The following NYNRIN variants were observed in gnomAD, a reference collection of about 807,000 sequenced individuals.
NYNRIN encodes the protein NYN domain and retroviral integrase containing.
NYNRIN carries 86 observed loss-of-function variants against 146.6 expected under a neutral mutation model. The ratio of observed to expected loss-of-function variants is 0.59; its 90% CI spans 0.49 to 0.70. The LOEUF is 0.70. NYNRIN is among the 30% of genes least tolerant of loss of function. The probability of loss-of-function intolerance (pLI) is 0.00; values close to 1 mark genes in which losing one functional copy is unlikely to be tolerated. For missense variants in NYNRIN, 2,191 were observed against 2,377.7 expected, an observed-to-expected ratio of 0.92 and a Z score of 1.63; for synonymous variants, 1,027 against 1,001.3, an observed-to-expected ratio of 1.03 and a Z score of -0.48.
rs2042961515 is a variant in NYNRIN at position 24,418,186 on chromosome 14, C to T, written c.*740C>T. On this transcript the variant is annotated 3_prime_UTR_variant, in exon 9 of 9. Coordinates refer to ENST00000382554, the MANE Select transcript of NYNRIN (RefSeq NM_025081.3). ...TTGACTCCAGCCAATGGAGACAATT[C>T]CTGACCCCTGCTTTGATGGTGTTGA... The T allele has an allele frequency of 2.2e-6, 1 of 446,988 alleles. No homozygotes were observed. Among genetic ancestry groups the T allele is most frequent in the East Asian group, 7.1e-5 (1 of 14,142 alleles). 27.7% of individuals were successfully genotyped at this position (446,988 alleles called of 1,614,324 possible).
chr14:24,418,559 GTGA>G lies in NYNRIN; in HGVS notation c.*1114_*1116del. On this transcript the variant is annotated 3_prime_UTR_variant, in exon 9 of 9. Coordinates refer to ENST00000382554, the MANE Select transcript of NYNRIN (RefSeq NM_025081.3). ...ATTCTTTGCAGAGATCACCCTTGCA[GTGA>G]GTGTGAGTTCCTTCCAGGTGTGTGC... The G allele has an allele frequency of 3.7e-6, 1 of 268,770 alleles. No homozygotes were observed. The highest frequency in any genetic ancestry group is 3.3e-5 in the South Asian group (1 of 30,526). The allele number at this position is 268,770 out of a possible 1,614,324, so 16.6% of individuals were successfully genotyped here.
Position 24,408,156 on chromosome 14 carries a change from CT to C in NYNRIN, c.489del (p.Phe163LeufsTer28). 1 of 1,603,438 alleles carries C rather than the reference CT, an allele frequency of 6.2e-7. No individual in the cohort carries two copies. The highest frequency in any genetic ancestry group is 8.5e-7 in the Non-Finnish European group (1 of 1,177,132). ...TCTGGGAGGCTGAGGTGACCCGGGC[CT>C]TTGGGGCCCTGGTCTGGATCCGTGG... ...GIWEAEVTRA[F>X]GALVWIRGDQ... On this transcript the variant is annotated frameshift_variant, in exon 3 of 9. Transcript: ENST00000382554. LOFTEE classifies it high-confidence loss of function.
At chr14:24,403,711 C>T (rs7151934) in intron 2 of NYNRIN, among the ~76,000 whole-genome samples, 37,475 of 152,114 alleles carry the variant, frequency 0.25, 4,791 homozygotes, top group Admixed American at 0.36. Context: ...TTTCTCTTCA[C>T]CGTCATCCTG....
chr14:24,416,567 G>T lies in NYNRIN; in HGVS notation c.4818G>T (p.Trp1606Cys). ...GSELKVIESP[W>C]PLRSTAPWSN... Reference sequence around the variant, plus strand: ...AGTTGAAGGTTATTGAGTCCCCATGGCCCCTCAGGTCGACCGCCCCCTGGT... The same window carrying T: ...AGTTGAAGGTTATTGAGTCCCCATGTCCCCTCAGGTCGACCGCCCCCTGGT... Residue 1606 changes from tryptophan (W) to cysteine (C), a missense_variant, in exon 9 of 9, where the codon TGG becomes TGT. Physicochemically the swap from Trp to Cys is radical, Grantham distance 215. This residue lies in a region of NYNRIN where 1,291 missense variants were observed against 1,417.0 expected (regional missense o/e 0.91). Coordinates refer to ENST00000382554, the MANE Select transcript of NYNRIN (RefSeq NM_025081.3). 3 of 1,613,966 alleles carry T rather than the reference G, an allele frequency of 1.9e-6. No individual in the cohort carries two copies. The South Asian group carries it at 3.3e-5, about 18-fold the overall frequency.
At position 24,399,064 on chromosome 14, in the gene NYNRIN, G is replaced by A. The variant is rs2042822242; in HGVS notation, c.-40G>A. 3.7e-6 allele frequency: 2 copies of A among 545,708 alleles called. No individual in the cohort carries two copies. The highest frequency in any genetic ancestry group is 3.1e-6 in the Non-Finnish European group (1 of 317,566). The allele number at this position is 545,708 out of a possible 1,614,324, so 33.8% of individuals were successfully genotyped here. On this transcript the variant is annotated 5_prime_UTR_variant, in exon 1 of 9. Coordinates refer to ENST00000382554, the MANE Select transcript of NYNRIN (RefSeq NM_025081.3). ...GGTCGAAGGGGACCAAGCTCCAGAGGGCGGGCGCCCGAGCCGTGCGGGGTG... is the reference window on the plus strand; with the variant it reads ...GGTCGAAGGGGACCAAGCTCCAGAGAGCGGGCGCCCGAGCCGTGCGGGGTG...
chr14:24,399,279 G>A lies in NYNRIN; in HGVS notation c.33G>A (p.Gln11=). MLLSGGDPPA[Q]EWFMVQTKSK... is the part of the protein sequence containing the mutation. ...TGTCTGGGGGCGATCCTCCGGCGCA[G>A]GAATGGTTCATGGTGCAGACAAAAT... Residue 11 remains glutamine, a synonymous_variant, in exon 2 of 9, where the codon CAG becomes CAA. Coordinates refer to ENST00000382554, the MANE Select transcript of NYNRIN (RefSeq NM_025081.3). 6.2e-7 allele frequency: 1 copy of A among 1,613,964 alleles called. No individual in the cohort carries two copies. Among genetic ancestry groups the A allele is most frequent in the Non-Finnish European group, 8.5e-7 (1 of 1,179,872 alleles).
chr14:24,413,948 G>A (rs1385177016), intron 8 of NYNRIN, among the ~76,000 whole-genome samples: 2 of 152,186 alleles, frequency 1.3e-5, no homozygotes, highest in Non-Finnish European at 2.9e-5. Flanking sequence ...TGAGTTATAT[G>A]TAAATGACCA....
chr14:24,417,513 C>T lies in NYNRIN; in HGVS notation c.*67C>T. 7.0e-7 allele frequency: 1 copy of T among 1,426,622 alleles called. No homozygotes were observed. The highest frequency in any genetic ancestry group is 9.1e-7 in the Non-Finnish European group (1 of 1,095,292). The allele number at this position is 1,426,622 out of a possible 1,614,324, so 88.4% of individuals were successfully genotyped here. A position where few individuals can be genotyped will look rare whatever the true frequency, so the allele number is the denominator to read the frequency against. The stretch of plus-strand genomic sequence containing the variant: ...TTCTGCTGCTAGGCCTCCCCCTGTC[C>T]CAGCAGTGCTCTCAGTCCACTGGGG... On this transcript the variant is annotated 3_prime_UTR_variant, in exon 9 of 9. Transcript: ENST00000382554.
At chr14:24,404,161 G>T (rs941843351) in intron 2 of NYNRIN, among the ~76,000 whole-genome samples, 3 of 152,116 alleles carry the variant, frequency 2.0e-5, no homozygotes, top group Non-Finnish European at 2.9e-5. Context: ...TTCCTCTCCT[G>T]TGCTATCTCT....
rs1295825406 is a variant in NYNRIN at position 24,410,111 on chromosome 14, G to A, written c.2317G>A (p.Glu773Lys). The A allele has an allele frequency of 3.7e-6, 6 of 1,613,964 alleles. No homozygotes were observed. The highest frequency in any genetic ancestry group is 1.6e-4 in the Middle Eastern group (1 of 6,062). ...STVTSFQRYH[E>K]ALNTPFELNL... ...AGTGACCAGCTTCCAGAGGTACCAC[G>A]AGGCCCTGAATACACCCTTCGAGCT... The change falls in exon 4 of 9, where the codon GAG becomes AAG. Residue 773 changes from glutamate to lysine, a missense_variant. Physicochemically the swap from Glu to Lys is moderately conservative, Grantham distance 56. Coordinates refer to ENST00000382554, the MANE Select transcript of NYNRIN (RefSeq NM_025081.3).
chr14:24,415,093 T>C lies in NYNRIN; in HGVS notation c.3344T>C (p.Val1115Ala). 1.2e-6 allele frequency: 2 copies of C among 1,610,226 alleles called. No homozygotes were observed. Among genetic ancestry groups the C allele is most frequent in the Non-Finnish European group, 1.7e-6 (2 of 1,179,722 alleles). ...RDAIPDYEALVGPLHSLLKQK... is the reference protein window; with the variant it reads ...RDAIPDYEALAGPLHSLLKQK... Reference sequence around the variant, plus strand: ...GCCATCCCTGACTATGAAGCCCTAGTGGGCCCCCTGCACAGCCTCCTCAAG... The same window carrying C: ...GCCATCCCTGACTATGAAGCCCTAGCGGGCCCCCTGCACAGCCTCCTCAAG... The change falls in exon 9 of 9, where the codon GTG (valine) becomes GCG (alanine). Residue 1115 changes from valine (V) to alanine (A), a missense_variant. Val to Ala is a moderately conservative substitution (Grantham distance 64). Transcript: ENST00000382554.
At chr14:24,401,123 C>G (rs919833961) in intron 2 of NYNRIN, among the ~76,000 whole-genome samples, 5 of 152,174 alleles carry the variant, frequency 3.3e-5, no homozygotes, top group African/African-American at 4.8e-5. Context: ...CCCGCCACCC[C>G]CTCCTTGCTC....
In NYNRIN at chr14:24,411,016, G is replaced by A; in HGVS notation, c.2415-60G>A. On this transcript the variant is annotated intron_variant, in intron 4 of 8. Transcript: ENST00000382554. This position sits in a 1 kb window ranked among gnomAD's most constrained non-coding sequence, Gnocchi z 4.3. ...CTGGCATTGCTTGCTTGCTGCCCCA[G>A]GGCTGGCTCTGAGGGAGGAGTGGTG... The A allele has an allele frequency of 6.2e-7, 1 of 1,606,096 alleles. No homozygotes were observed. The highest frequency in any genetic ancestry group is 1.1e-5 in the South Asian group (1 of 90,484).
rs1470127328 is a variant in NYNRIN, at chr14:24,411,813, C to T, written c.2642+363C>T. Among the ~76,000 whole-genome samples the T allele has an allele frequency of 6.6e-6, 1 of 152,210 alleles. No individual in the cohort carries two copies. Among genetic ancestry groups the T allele is most frequent in the African/African-American group, 2.4e-5 (1 of 41,446 alleles). ...GTCTCCAGACTGCTTTAGTCTTTTCCTCCCTCGGAGCCCCGGCACTGGTGG... is the reference window on the plus strand; with the variant it reads ...GTCTCCAGACTGCTTTAGTCTTTTCTTCCCTCGGAGCCCCGGCACTGGTGG... On this transcript the variant is annotated intron_variant, in intron 6 of 8. Coordinates refer to ENST00000382554, the MANE Select transcript of NYNRIN (RefSeq NM_025081.3). This position sits in a 1 kb window ranked among gnomAD's most constrained non-coding sequence, Gnocchi z 4.3.
chr14:24,405,153 C>T (rs1229068978), intron 2 of NYNRIN, among the ~76,000 whole-genome samples: 1 of 151,906 alleles, frequency 6.6e-6, no homozygotes, highest in Non-Finnish European at 1.5e-5. Context: ...TTTCATGTTC[C>T]CCTTCACTTC....
chr14:24,407,833 G>A (rs759033626), intron 2 of NYNRIN, 36 bp from the exon 3 acceptor site: 28 of 1,548,336 alleles, frequency 1.8e-5, no homozygotes, highest in Admixed American at 5.8e-5. Context: ...GGCCCCCAAC[G>A]GGCTGACTTC....
In NYNRIN at chr14:24,408,526, C is replaced by T. The variant is rs772004028; in HGVS notation, c.856C>T (p.Arg286Trp). The change falls in exon 3 of 9, where the codon CGG (arginine) becomes TGG (tryptophan). Residue 286 changes from arginine to tryptophan, a missense_variant and splice_region_variant. Arg to Trp is a moderately radical substitution (Grantham distance 101). Coordinates refer to ENST00000382554, the MANE Select transcript of NYNRIN (RefSeq NM_025081.3). Reference protein sequence around the residue: ...TPQEAANQLVRVGSNNQDGMD... With the variant: ...TPQEAANQLVWVGSNNQDGMD... ...GCAGGAGGCAGCAAACCAGCTGGTA[C>T]GGTAAGTTCTGGAGAATGAGCCTGG... 54 of 1,566,062 alleles carry T rather than the reference C, an allele frequency of 3.4e-5. No individual in the cohort carries two copies. The highest frequency in any genetic ancestry group is 3.4e-4 in the Middle Eastern group (2 of 5,826).
intron 2 of NYNRIN, among the ~76,000 whole-genome samples, chr14:24,405,884 G>A (rs911476482): frequency 2.0e-5 from 3 of 152,078 alleles, no homozygotes; most frequent in East Asian, 3.9e-4. Context: ...ATATCGGGCC[G>A]GGCACGGTGG....
chr14:24,407,817 G>A, intron 2 of NYNRIN, 52 bp from the exon 3 acceptor site: 1 of 1,518,138 alleles, frequency 6.6e-7, no homozygotes, highest in Non-Finnish European at 8.9e-7. Flanking sequence ...GGCAGATCCA[G>A]GGGCAGGCCC....
Sources: allele counts gnomAD v4.1 joint callset (sites outside exome capture counted in the v4.1 genomes callset), GRCh38; gene constraint gnomAD v4.1.1; regional missense constraint gnomAD v4.1.1; non-coding constraint Gnocchi (gnomAD v3.1); transcripts MANE v1.5; gene names NCBI Gene and HGNC (gene_info 2026-07-23, HGNC 2026-07-21).